HSPA5: variants seen among roughly 807,000 people sequenced by gnomAD.
HSPA5 encodes the protein endoplasmic reticulum chaperone BiP.
HSPA5 carries 16 observed loss-of-function variants against 49.5 expected under a neutral mutation model. The observed-to-expected ratio is 0.32, with a 90% CI of 0.22 to 0.49. The LOEUF (loss-of-function observed/expected upper bound fraction) is 0.49, where lower values mean the gene tolerates loss of function less well. HSPA5 is among the 20% of genes least tolerant of loss of function. The pLI is 0.99. For missense variants in HSPA5, 376 were observed against 819.0 expected, an observed-to-expected ratio of 0.46 and a Z score of 6.60; for synonymous variants, 271 against 307.2, an observed-to-expected ratio of 0.88 and a Z score of 1.23.
rs967703338 is a variant in HSPA5 at position 125,240,095 on chromosome 9, G to A, written c.492+77C>T. Reference sequence around the variant, plus strand: ...GATTAAAATTTTTGAAACCCTTCACGAAGGCTTCTATACATAACAGCCAAC... The same window carrying A: ...GATTAAAATTTTTGAAACCCTTCACAAAGGCTTCTATACATAACAGCCAAC... On this transcript the variant is annotated intron_variant, in intron 3 of 7. Transcript: ENST00000324460. The surrounding 1 kb of genome is among the most constrained non-coding windows in gnomAD (Gnocchi z 4.4). 2.7e-5 allele frequency: 31 copies of A among 1,166,226 alleles called. No individual in the cohort carries two copies. Among genetic ancestry groups the A allele is most frequent in the Middle Eastern group, 3.1e-4 (1 of 3,234 alleles). The allele number at this position is 1,166,226 out of a possible 1,614,324, so 72.2% of individuals were successfully genotyped here.
At position 125,239,723 on chromosome 9, in the gene HSPA5, T is replaced by TAAAA. The variant is rs11432886; in HGVS notation, c.493-194_493-191dup. Among the ~76,000 whole-genome samples the TAAAA allele has an allele frequency of 2.2e-5, 3 of 136,894 alleles. No homozygotes were observed. The highest frequency in any genetic ancestry group is 8.0e-5 in the African/African-American group (3 of 37,398). 89.8% of individuals were successfully genotyped at this position (136,894 alleles called of 152,430 possible). A position where few individuals can be genotyped will look rare whatever the true frequency, so the allele number is the denominator to read the frequency against. On this transcript the variant is annotated intron_variant, in intron 3 of 7. Transcript: ENST00000324460. This position sits in a 1 kb window ranked among gnomAD's most constrained non-coding sequence, Gnocchi z 5.5. The stretch of plus-strand genomic sequence containing the variant: ...GAGAAACCCTGTCTCTACTGAAAAT[T>TAAAA]AAAAAAAAAAAAAAAAATTAGCCAG...
rs373787814 is a variant in HSPA5 at position 125,240,120 on chromosome 9, C to T, written c.492+52G>A. 2.1e-5 allele frequency: 31 copies of T among 1,469,026 alleles called. No homozygotes were observed. Among genetic ancestry groups the T allele is most frequent in the Non-Finnish European group, 2.8e-5 (30 of 1,077,202 alleles). 91.0% of individuals were successfully genotyped at this position (1,469,026 alleles called of 1,614,324 possible). A position where few individuals can be genotyped will look rare whatever the true frequency, so the allele number is the denominator to read the frequency against. ...GAAGGCTTCTATACATAACAGCCAA[C>T]CGAGAATACTAATGATCAAAAAATA... On this transcript the variant is annotated intron_variant, in intron 3 of 7. Transcript: ENST00000324460. The surrounding 1 kb of genome is among the most constrained non-coding windows in gnomAD (Gnocchi z 4.4).
In HSPA5 at chr9:125,239,489, G is replaced by C; in HGVS notation, c.537C>G (p.Ala179=). Residue 179 remains alanine, a synonymous_variant, in exon 4 of 8, where the codon GCC becomes GCG. Transcript: ENST00000324460. The surrounding 1 kb of genome is among the most constrained non-coding windows in gnomAD (Gnocchi z 5.5). ...VVTVPAYFND[A]QRQATKDAGT... Reference sequence around the variant, plus strand: ...CAGCGTCTTTGGTTGCTTGGCGTTGGGCATCATTAAAATAGGCTGGTACAG... The same window carrying C: ...CAGCGTCTTTGGTTGCTTGGCGTTGCGCATCATTAAAATAGGCTGGTACAG... The C allele has an allele frequency of 6.2e-7, 1 of 1,613,962 alleles. No individual in the cohort carries two copies. Among genetic ancestry groups the C allele is most frequent in the Non-Finnish European group, 8.5e-7 (1 of 1,179,974 alleles).
In HSPA5 at chr9:125,236,825, C is replaced by G; in HGVS notation, c.1732G>C (p.Asp578His). 6.2e-7 allele frequency: 1 copy of G among 1,613,800 alleles called. No individual in the cohort carries two copies. The change falls in exon 8 of 8, where the codon GAT becomes CAT. Residue 578 changes from aspartate to histidine, a missense_variant. Transcript: ENST00000324460. ...AGTTTACCTCCCAGCTTTTCTTTAT[C>G]TCCAATCTGATTCTTTAGAGAATAG... is the stretch of plus-strand genomic sequence containing the variant. ...YAYSLKNQIGDKEKLGGKLSS... is the reference protein window; with the variant it reads ...YAYSLKNQIGHKEKLGGKLSS...
At position 125,240,404 on chromosome 9, in the gene HSPA5, T is replaced by G. The variant is rs906094946; in HGVS notation, c.355-95A>C. ...ATCCCCACAATTTGGTTTATTTTGG[T>G]CCCTTGGGGCTGCAAATTGACTAGA... On this transcript the variant is annotated intron_variant, in intron 2 of 7. Transcript: ENST00000324460. The surrounding 1 kb of genome is among the most constrained non-coding windows in gnomAD (Gnocchi z 4.4). 3 of 1,138,780 alleles carry G rather than the reference T, an allele frequency of 2.6e-6. No individual in the cohort carries two copies. Among genetic ancestry groups the G allele is most frequent in the Middle Eastern group, 4.1e-4 (2 of 4,934 alleles). 70.5% of individuals were successfully genotyped at this position (1,138,780 alleles called of 1,614,324 possible). A position where few individuals can be genotyped will look rare whatever the true frequency, so the allele number is the denominator to read the frequency against.
In HSPA5 at chr9:125,239,586, TA is replaced by T; in HGVS notation, c.493-54del. 3 of 1,429,118 alleles carry T rather than the reference TA, an allele frequency of 2.1e-6. No homozygotes were observed. Among genetic ancestry groups the T allele is most frequent in the Non-Finnish European group, 3.0e-6 (3 of 1,016,254 alleles). 88.5% of individuals were successfully genotyped at this position (1,429,118 alleles called of 1,614,324 possible). ...ATTGTCACATAGTTTAACCCTTATTTAAATTACAGTCTGGCCAGGCGGTGGC... is the reference window on the plus strand; with the variant it reads ...ATTGTCACATAGTTTAACCCTTATTTAATTACAGTCTGGCCAGGCGGTGGC... On this transcript the variant is annotated intron_variant, in intron 3 of 7. Transcript: ENST00000324460. The surrounding 1 kb of genome is among the most constrained non-coding windows in gnomAD (Gnocchi z 5.5).
Position 125,240,696 on chromosome 9 carries a change from T to C in HSPA5, c.334A>G (p.Ile112Val), listed in dbSNP as rs201412581. Residue 112 changes from isoleucine to valine, a missense_variant, in exon 2 of 8, where the codon ATC (isoleucine) becomes GTC (valine). Coordinates refer to ENST00000324460, the MANE Select transcript of HSPA5 (RefSeq NM_005347.5). This position sits in a 1 kb window ranked among gnomAD's most constrained non-coding sequence, Gnocchi z 4.4. ...CGAACCTTGAACGGCAAGAACTTGATGTCCTGCTGCACAGACGGGTCATTC... is the reference window on the plus strand; with the variant it reads ...CGAACCTTGAACGGCAAGAACTTGACGTCCTGCTGCACAGACGGGTCATTC... ...TWNDPSVQQDIKFLPFKVVEK... is the reference protein window; with the variant it reads ...TWNDPSVQQDVKFLPFKVVEK... The C allele has an allele frequency of 1.2e-6, 2 of 1,613,582 alleles. No homozygotes were observed. Among genetic ancestry groups the C allele is most frequent in the East Asian group, 2.2e-5 (1 of 44,844 alleles).
rs1389013024 is a variant in HSPA5 at position 125,239,662 on chromosome 9, T to C, written c.493-129A>G. Reference sequence around the variant, plus strand: ...GGGAGGCTGAGGCAGGAGGATCACCTGAGGGCAGGATTTCAAGACCAGCCT... The same window carrying C: ...GGGAGGCTGAGGCAGGAGGATCACCCGAGGGCAGGATTTCAAGACCAGCCT... On this transcript the variant is annotated intron_variant, in intron 3 of 7. Coordinates refer to ENST00000324460, the MANE Select transcript of HSPA5 (RefSeq NM_005347.5). This position sits in a 1 kb window ranked among gnomAD's most constrained non-coding sequence, Gnocchi z 5.5. The C allele has an allele frequency of 1.5e-6, 1 of 683,832 alleles. No homozygotes were observed. Among genetic ancestry groups the C allele is most frequent in the African/African-American group, 1.8e-5 (1 of 55,904 alleles). The allele number at this position is 683,832 out of a possible 1,614,324, so 42.4% of individuals were successfully genotyped here. A position where few individuals can be genotyped will look rare whatever the true frequency, so the allele number is the denominator to read the frequency against.
rs187155224 is a variant in HSPA5 at position 125,240,196 on chromosome 9, G to A, written c.468C>T (p.Thr156=). The A allele has an allele frequency of 6.3e-4, 1,005 of 1,602,280 alleles. 2 individuals carry two copies. Among genetic ancestry groups the A allele is most frequent in the Non-Finnish European group, 8.1e-4 (951 of 1,176,290 alleles). The part of the protein sequence containing the change: ...SAMVLTKMKE[T]AEAYLGKKVT... Reference sequence around the variant, plus strand: ...CCTTCTTTCCCAAATAAGCCTCAGCGGTTTCTTTCATTTTAGTGAGAACCA... The same window carrying A: ...CCTTCTTTCCCAAATAAGCCTCAGCAGTTTCTTTCATTTTAGTGAGAACCA... The change falls in exon 3 of 8, where the codon ACC becomes ACT. Residue 156 remains threonine (T), a synonymous_variant. Coordinates refer to ENST00000324460, the MANE Select transcript of HSPA5 (RefSeq NM_005347.5). This position sits in a 1 kb window ranked among gnomAD's most constrained non-coding sequence, Gnocchi z 4.4.
rs1287858735 is a variant in HSPA5, at chr9:125,235,671, T to C, written c.*921A>G. The C allele has an allele frequency of 6.6e-6, 1 of 152,086 alleles. No individual in the cohort carries two copies. Among genetic ancestry groups the C allele is most frequent in the Non-Finnish European group, 1.5e-5 (1 of 68,032 alleles). The allele number at this position is 152,086 out of a possible 1,614,324, so 9.4% of individuals were successfully genotyped here. ...ATCCAAGATCCCACCCCAGTACCAC[T>C]AATGAGAAATTTCAGGGATGGAGAT... On this transcript the variant is annotated 3_prime_UTR_variant, in exon 8 of 8. Coordinates refer to ENST00000324460, the MANE Select transcript of HSPA5 (RefSeq NM_005347.5).
chr9:125,237,609 G>A (rs764751176), intron 7 of HSPA5, among the ~76,000 whole-genome samples: 1 of 150,870 alleles, frequency 6.6e-6, no homozygotes, highest in African/African-American at 2.4e-5. Context: ...CCAGCTATTC[G>A]GGAGGCAGAG....
rs574474975 is a variant in HSPA5 at position 125,234,929 on chromosome 9, G to A, written c.*1663C>T. Reference sequence around the variant, plus strand: ...GACTAGGTGGTCCACGGTAGTGAGAGCCTTTGAGGTAAGGGAAGACTAGCC... The same window carrying A: ...GACTAGGTGGTCCACGGTAGTGAGAACCTTTGAGGTAAGGGAAGACTAGCC... On this transcript the variant is annotated 3_prime_UTR_variant, in exon 8 of 8. Transcript: ENST00000324460. 2.0e-5 allele frequency: 3 copies of A among 152,238 alleles called. No homozygotes were observed. The East Asian group carries it at 5.8e-4, about 29-fold the overall frequency. The allele number at this position is 152,238 out of a possible 1,614,324, so 9.4% of individuals were successfully genotyped here. A position where few individuals can be genotyped will look rare whatever the true frequency, so the allele number is the denominator to read the frequency against.
rs1335155867 is a variant in HSPA5, at chr9:125,240,907, G to A, written c.123C>T (p.Cys41=). ...VGIDLGTTYS[C]VGVFKNGRVE... ...CGCGGCCGTTCTTGAACACGCCGAC[G>A]CTGGCAGAAAAACCCGACAGAGGGA... Residue 41 remains cysteine (C), a splice_region_variant and synonymous_variant, in exon 2 of 8, where the codon TGC becomes TGT. Transcript: ENST00000324460. The surrounding 1 kb of genome is among the most constrained non-coding windows in gnomAD (Gnocchi z 4.4). The A allele has an allele frequency of 3.1e-6, 5 of 1,613,852 alleles. No individual in the cohort carries two copies. Among genetic ancestry groups the A allele is most frequent in the Non-Finnish European group, 4.2e-6 (5 of 1,179,706 alleles).
chr9:125,240,397 A>C lies in HSPA5; in HGVS notation c.355-88T>G. ...CACTACCATCCCCACAATTTGGTTT[A>C]TTTTGGTCCCTTGGGGCTGCAAATT... On this transcript the variant is annotated intron_variant, in intron 2 of 7. Transcript: ENST00000324460. This position sits in a 1 kb window ranked among gnomAD's most constrained non-coding sequence, Gnocchi z 4.4. 8.0e-7 allele frequency: 1 copy of C among 1,242,846 alleles called. No homozygotes were observed. The allele number at this position is 1,242,846 out of a possible 1,614,324, so 77.0% of individuals were successfully genotyped here. A position where few individuals can be genotyped will look rare whatever the true frequency, so the allele number is the denominator to read the frequency against.
At position 125,235,502 on chromosome 9, in the gene HSPA5, C is replaced by T. The variant is rs1038258111; in HGVS notation, c.*1090G>A. 2 of 152,066 alleles carry T rather than the reference C, an allele frequency of 1.3e-5. No individual in the cohort carries two copies. Among genetic ancestry groups the T allele is most frequent in the African/African-American group, 4.8e-5 (2 of 41,390 alleles). 9.4% of individuals were successfully genotyped at this position (152,066 alleles called of 1,614,324 possible). ...ATATTGGATTTTATGTTAGCACCAG[C>T]CTGTCCTTTATTGATCATACCATTT... On this transcript the variant is annotated 3_prime_UTR_variant, in exon 8 of 8. Coordinates refer to ENST00000324460, the MANE Select transcript of HSPA5 (RefSeq NM_005347.5).
Position 125,236,954 on chromosome 9 carries a change from G to A in HSPA5, c.1603C>T (p.Pro535Ser). 6.2e-7 allele frequency: 1 copy of A among 1,613,862 alleles called. No individual in the cohort carries two copies. Residue 535 changes from proline to serine, a missense_variant, in exon 8 of 8, where the codon CCT becomes TCT. By Grantham distance (74) the Pro-to-Ser change is moderately conservative. Coordinates refer to ENST00000324460, the MANE Select transcript of HSPA5 (RefSeq NM_005347.5). Reference sequence around the variant, plus strand: ...TTAACCATCCTTTCGATTTCTTCAGGTGTCAGGCGATTCTGGTCATTGGTG... The same window carrying A: ...TTAACCATCCTTTCGATTTCTTCAGATGTCAGGCGATTCTGGTCATTGGTG... Reference protein sequence around the residue: ...TITNDQNRLTPEEIERMVNDA... With the variant: ...TITNDQNRLTSEEIERMVNDA...
intron 6 of HSPA5, 51 bp from the exon 7 acceptor site, chr9:125,238,359 T>A: frequency 6.6e-7 from 1 of 1,509,012 alleles, no homozygotes; most frequent in African/African-American, 1.4e-5. Context: ...CTATGAGCTA[T>A]GTAAAGTTTA....
rs1017874994 is a variant in HSPA5 at position 125,240,536 on chromosome 9, T to C, written c.354+140A>G. ...AGCAACTGTCTTAAGTTTTGTAACA[T>C]ACTAATAGTATTAAAGTTATTACAT... On this transcript the variant is annotated intron_variant, in intron 2 of 7. Transcript: ENST00000324460. This position sits in a 1 kb window ranked among gnomAD's most constrained non-coding sequence, Gnocchi z 4.4. 6.7e-6 allele frequency: 5 copies of C among 746,254 alleles called. No homozygotes were observed. The highest frequency in any genetic ancestry group is 3.5e-5 in the African/African-American group (2 of 56,594). The allele number at this position is 746,254 out of a possible 1,614,324, so 46.2% of individuals were successfully genotyped here. A position where few individuals can be genotyped will look rare whatever the true frequency, so the allele number is the denominator to read the frequency against.
rs896146081 is a variant in HSPA5, at chr9:125,240,445, A to G, written c.355-136T>C. The G allele has an allele frequency of 2.1e-5, 17 of 792,720 alleles. No homozygotes were observed. The highest frequency in any genetic ancestry group is 1.9e-4 in the African/African-American group (11 of 57,468). 49.1% of individuals were successfully genotyped at this position (792,720 alleles called of 1,614,324 possible). ...ATTGACTAGAAATACTTCAGGGAGT[A>G]TAGGTGTCTTACAAAGTTCAGTTTT... On this transcript the variant is annotated intron_variant, in intron 2 of 7. Coordinates refer to ENST00000324460, the MANE Select transcript of HSPA5 (RefSeq NM_005347.5). The surrounding 1 kb of genome is among the most constrained non-coding windows in gnomAD (Gnocchi z 4.4).
Sources: allele counts gnomAD v4.1 joint callset (sites outside exome capture counted in the v4.1 genomes callset), GRCh38; gene constraint gnomAD v4.1.1; non-coding constraint Gnocchi (gnomAD v3.1); transcripts MANE v1.5; gene names NCBI Gene and HGNC (gene_info 2026-07-23, HGNC 2026-07-21).